Variants in SOAT1 observed in about 807,000 individuals in gnomAD.
The protein encoded by SOAT1 is acyl-coenzyme A:cholesterol acyltransferase 1.
A neutral mutation model predicts 69.5 loss-of-function variants in SOAT1; 55 were observed. That is an observed-to-expected ratio of 0.79 (90% CI 0.64 to 0.99). The LOEUF is 0.99. Among genes scored for constraint, SOAT1 ranks in the 50% least tolerant of loss-of-function variants. The pLI, the probability that SOAT1 is intolerant of heterozygous loss-of-function variation, is 0.00. For missense variants in SOAT1, 580 were observed against 669.3 expected (o/e 0.87, Z 1.47); for synonymous variants, 231 against 224.7 (o/e 1.03, Z -0.25).
At position 179,323,410 on chromosome 1, in the gene SOAT1, A is replaced by T. The variant is rs201625144; in HGVS notation, c.119-27A>T. On this transcript the variant is annotated intron_variant, in intron 2 of 15. Transcript: ENST00000367619. ...ACTAGGTAGCTGTATCCATCAACTT[A>T]AAAGTCATGTTTTTTTCTTCCCGTA... 122 of 1,606,838 alleles carry T rather than the reference A, an allele frequency of 7.6e-5. No homozygotes were observed. In the African/African-American group the frequency reaches 1.6e-3, roughly 21 times the overall value.
intron 2 of SOAT1, among the ~76,000 whole-genome samples, chr1:179,317,472 G>T (rs576473432): frequency 6.7e-6 from 1 of 149,616 alleles, no homozygotes; most frequent in Non-Finnish European, 1.5e-5. Context: ...GGCGGAGCTT[G>T]CAGTGAGCCG....
intron 3 of SOAT1, among the ~76,000 whole-genome samples, chr1:179,328,318 A>C (rs754774394): frequency 1.3e-5 from 2 of 152,272 alleles, no homozygotes; most frequent in Non-Finnish European, 2.9e-5. Context: ...TAGGCATAAA[A>C]GAAAATATAT....
chr1:179,313,957 C>T (rs903897143), intron 2 of SOAT1, among the ~76,000 whole-genome samples: 20 of 152,162 alleles, frequency 1.3e-4, no homozygotes, highest in Admixed American at 2.0e-4. Context: ...AGATAAGCTT[C>T]CCTTAGGCCA....
chr1:179,296,247 G>A (rs1664636491), intron 1 of SOAT1, among the ~76,000 whole-genome samples: 1 of 152,096 alleles, frequency 6.6e-6, no homozygotes, highest in Non-Finnish European at 1.5e-5. Context: ...GGGATTACAG[G>A]CGTGAGCCAC....
intron 6 of SOAT1, 36 bp downstream of exon 6, chr1:179,339,581 C>A: frequency 7.2e-7 from 1 of 1,384,796 alleles, no homozygotes; most frequent in Non-Finnish European, 1.0e-6. Context: ...CTAGTTGATG[C>A]ATGAGAAGTT....
At chr1:179,350,478 G>T (rs1181416076) in intron 14 of SOAT1, 47 bp downstream of exon 14, 1 of 1,557,492 alleles carries the variant, frequency 6.4e-7, no homozygotes, top group Non-Finnish European at 8.7e-7. Flanking sequence ...TGCTAAAAAA[G>T]AAAACCAGAT....
intron 3 of SOAT1, among the ~76,000 whole-genome samples, chr1:179,326,550 C>CT (rs10568516): frequency 6.7e-4 from 71 of 106,214 alleles, no homozygotes; most frequent in African/African-American, 1.7e-3. Context: ...AATTTCTTTT[C>CT]TTTTTTTTTT....
intron 11 of SOAT1, among the ~76,000 whole-genome samples, chr1:179,347,378 A>G (rs2125000737): frequency 7.1e-6 from 1 of 140,102 alleles, no homozygotes; most frequent in South Asian, 2.3e-4. Flanking sequence ...AAAAAAAACC[A>G]GACTGGGTAA....
intron 3 of SOAT1, among the ~76,000 whole-genome samples, chr1:179,326,730 G>A (rs896320133): frequency 6.6e-6 from 1 of 151,734 alleles, no homozygotes; most frequent in South Asian, 2.1e-4. Context: ...GCTAATTTTT[G>A]TATTTTTAGT....
rs1353551411 is a variant in SOAT1, at chr1:179,297,729, G to A, written c.-9+3793G>A. On this transcript the variant is annotated intron_variant, in intron 1 of 15. Transcript: ENST00000367619. ...AACCTGGGCGACATGGCATGACTCCGTCTCAAAAAAAAAAAAAAAATGCCG... is the reference window on the plus strand; with the variant it reads ...AACCTGGGCGACATGGCATGACTCCATCTCAAAAAAAAAAAAAAAATGCCG... Among the ~76,000 whole-genome samples the A allele has an allele frequency of 9.9e-4, 101 of 101,522 alleles. 1 individual carries two copies. The highest frequency in any genetic ancestry group is 2.3e-3 in the African/African-American group (51 of 21,882). The allele number at this position is 101,522 out of a possible 152,430, so 66.6% of individuals were successfully genotyped here. A position where few individuals can be genotyped will look rare whatever the true frequency, so the allele number is the denominator to read the frequency against.
intron 3 of SOAT1, among the ~76,000 whole-genome samples, chr1:179,328,744 C>T (rs111924081): frequency 6.6e-6 from 1 of 152,142 alleles, no homozygotes; most frequent in Non-Finnish European, 1.5e-5. Flanking sequence ...ATTTCTCCTT[C>T]TTAAAAATAC....
chr1:179,311,156 G>A (rs543879851), intron 2 of SOAT1, among the ~76,000 whole-genome samples: 1 of 151,964 alleles, frequency 6.6e-6, no homozygotes, highest in Admixed American at 6.6e-5. Context: ...GCTTGAGACC[G>A]GGAATTCAAG....
Position 179,313,909 on chromosome 1 carries a change from A to G in SOAT1, c.119-9528A>G, listed in dbSNP as rs577298971. ...ACACATTGTATGTTTATAGGACGACACTGATCAGGAATGTAACTGGTGGCC... is the reference window on the plus strand; with the variant it reads ...ACACATTGTATGTTTATAGGACGACGCTGATCAGGAATGTAACTGGTGGCC... On this transcript the variant is annotated intron_variant, in intron 2 of 15. Coordinates refer to ENST00000367619, the MANE Select transcript of SOAT1 (RefSeq NM_003101.6). Among the ~76,000 whole-genome samples, 40 of 152,208 alleles carry G rather than the reference A, an allele frequency of 2.6e-4. No individual in the cohort carries two copies. The South Asian group carries it at 8.3e-3, about 32-fold the overall frequency.
At chr1:179,304,747 C>G (rs1179518255) in intron 2 of SOAT1, among the ~76,000 whole-genome samples, 3 of 152,150 alleles carry the variant, frequency 2.0e-5, no homozygotes, top group Admixed American at 6.5e-5. Context: ...CTCCCAGGCT[C>G]AAGTGATCCT....
At chr1:179,329,527 G>A (rs1665903929) in intron 3 of SOAT1, among the ~76,000 whole-genome samples, 1 of 152,022 alleles carries the variant, frequency 6.6e-6, no homozygotes, top group Admixed American at 6.6e-5. Context: ...AGACCAGCCT[G>A]ACCAACATGG....
At chr1:179,342,227 C>T (rs1412749444) in intron 8 of SOAT1, 35 bp downstream of exon 8, 6 of 1,334,634 alleles carry the variant, frequency 4.5e-6, no homozygotes, top group Non-Finnish European at 5.1e-6. Context: ...TTTCTTCCTC[C>T]CCTCCCCTCC....
chr1:179,341,321 AAGTGTT>A lies in SOAT1; in HGVS notation c.780+13_780+18del, dbSNP rs764821053. 3.0e-5 allele frequency: 48 copies of A among 1,612,512 alleles called. No homozygotes were observed. Among genetic ancestry groups the A allele is most frequent in the Non-Finnish European group, 1.4e-5 (17 of 1,178,996 alleles). ...ATTATATTCGAGCAGGTAAGGTTTT[AAGTGTT>A]ACCCAAGGCGATGCTGTCCTCGGCT... On this transcript the variant is annotated intron_variant, in intron 7 of 15. Transcript: ENST00000367619.
chr1:179,325,870 A>G (rs1307619384), intron 3 of SOAT1, among the ~76,000 whole-genome samples: 2 of 152,202 alleles, frequency 1.3e-5, no homozygotes, highest in African/African-American at 4.8e-5. Flanking sequence ...TTATATATTA[A>G]TAAAATTATG....
intron 4 of SOAT1, among the ~76,000 whole-genome samples, chr1:179,336,187 G>A (rs1329942284): frequency 6.6e-6 from 1 of 150,664 alleles, no homozygotes; most frequent in Non-Finnish European, 1.5e-5. Flanking sequence ...ATAAGGTCAG[G>A]TGTGGTGGCT....
Sources: gnomAD v4.1 joint callset for allele counts (sites outside exome capture counted in the v4.1 genomes callset) on GRCh38, gnomAD v4.1.1 for gene constraint, MANE v1.5 for transcripts, NCBI Gene and HGNC (gene_info 2026-07-23, HGNC 2026-07-21) for gene names.